Variants in STAG3 observed in about 807,000 individuals in gnomAD.
The protein encoded by STAG3 is STAG3 cohesin complex component.
STAG3 carries 101 observed loss-of-function variants against 160.7 expected under a neutral mutation model. That is an observed-to-expected ratio of 0.63 (90% CI 0.54 to 0.74). The LOEUF is 0.74. STAG3 is among the 30% of genes least tolerant of loss of function. The pLI is 0.00. For missense variants in STAG3, 1,188 were observed against 1,517.4 expected, an observed-to-expected ratio of 0.78 and a Z score of 3.61; for synonymous variants, 519 against 585.0, an observed-to-expected ratio of 0.89 and a Z score of 1.63.
At position 100,180,469 on chromosome 7, in the gene STAG3, C is replaced by T. The variant is rs1799572320; in HGVS notation, c.-64-24C>T. 1.6e-5 allele frequency: 12 copies of T among 773,898 alleles called. No individual in the cohort carries two copies. The South Asian group carries it at 1.7e-4, about 11-fold the overall frequency. The allele number at this position is 773,898 out of a possible 1,614,324, so 47.9% of individuals were successfully genotyped here. A position where few individuals can be genotyped will look rare whatever the true frequency, so the allele number is the denominator to read the frequency against. On this transcript the variant is annotated intron_variant, in intron 1 of 33. Coordinates refer to ENST00000615138, the MANE Select transcript of STAG3 (RefSeq NM_001282717.2). The stretch of plus-strand genomic sequence containing the variant: ...GGATGGAGAAGTGCTGTGGTAGGAG[C>T]CCTTTCTTCTCTTTCTTCCCCAGCT...
intron 3 of STAG3, among the ~76,000 whole-genome samples, chr7:100,182,449 T>C (rs1344256849): frequency 6.7e-6 from 1 of 150,294 alleles, no homozygotes; most frequent in Non-Finnish European, 1.5e-5. Flanking sequence ...GGGATGGAAA[T>C]AGGAAGAAGA....
At chr7:100,213,922 G>A in intron 33 of STAG3, 85 bp from the exon 34 acceptor site, 1 of 1,613,284 alleles carries the variant, frequency 6.2e-7, no homozygotes, top group Non-Finnish European at 8.5e-7. Context: ...TGTCTCTGGG[G>A]CTTTGAGGGT....
chr7:100,211,361 A>G (rs2117529725), intron 30 of STAG3, 74 bp from the exon 31 acceptor site: 2 of 1,550,536 alleles, frequency 1.3e-6, no homozygotes. Context: ...TTTTCTCCCC[A>G]TTAACACCAG....
rs772770196 is a variant in STAG3 at position 100,211,505 on chromosome 7, C to T, written c.3484C>T (p.Pro1162Ser). The T allele has an allele frequency of 3.1e-6, 5 of 1,613,904 alleles. No homozygotes were observed. The highest frequency in any genetic ancestry group is 2.2e-5 in the South Asian group (2 of 91,046). Residue 1162 changes from proline (P) to serine (S), a missense_variant, in exon 31 of 34, where the codon CCT (proline) becomes TCT (serine). Transcript: ENST00000615138. Reference sequence around the variant, plus strand: ...ACAATATTTCCAGACTCCACACAACCCTTCAGGTCCTGGCCTGGGCAACCA... The same window carrying T: ...ACAATATTTCCAGACTCCACACAACTCTTCAGGTCCTGGCCTGGGCAACCA... ...GPQYFQTPHN[P>S]SGPGLGNQLM...
In STAG3 at chr7:100,195,296, C is replaced by A; in HGVS notation, c.868-13C>A. The A allele has an allele frequency of 6.2e-7, 1 of 1,613,658 alleles. No homozygotes were observed. Among genetic ancestry groups the A allele is most frequent in the South Asian group, 1.1e-5 (1 of 91,070 alleles). ...GTACAAGAAAGATTAACCCGTTTCT[C>A]CCTGTCCTCCAGCTCCAAGAGCATC... is the stretch of plus-strand genomic sequence containing the variant. On this transcript the variant is annotated splice_polypyrimidine_tract_variant and intron_variant, in intron 8 of 33. Coordinates refer to ENST00000615138, the MANE Select transcript of STAG3 (RefSeq NM_001282717.2).
intron 4 of STAG3, among the ~76,000 whole-genome samples, chr7:100,184,463 G>GTTTTTTT (rs1554403741): frequency 8.1e-5 from 8 of 98,588 alleles, no homozygotes; most frequent in Admixed American, 2.8e-4. Flanking sequence ...CAGCGTGTTA[G>GTTTTTTT]TTTTTTTTTT....
intron 29 of STAG3, among the ~76,000 whole-genome samples, chr7:100,209,981 G>A (rs1802028302): frequency 6.6e-6 from 1 of 152,208 alleles, no homozygotes; most frequent in African/African-American, 2.4e-5. Context: ...TTAAGATGGA[G>A]TTCAGGGGAG....
rs147534964 is a variant in STAG3 at position 100,201,959 on chromosome 7, C to T, written c.2312C>T (p.Ser771Leu). Reference protein sequence around the residue: ...SKSDASQKQLSSLRDRMVAFC... With the variant: ...SKSDASQKQLLSLRDRMVAFC... Reference sequence around the variant, plus strand: ...CCACTGTGCCCACAGAAGCAGCTGTCGAGTTTGAGGGACAGAATGGTGGCC... The same window carrying T: ...CCACTGTGCCCACAGAAGCAGCTGTTGAGTTTGAGGGACAGAATGGTGGCC... The change falls in exon 23 of 34, where the codon TCG (serine) becomes TTG (leucine). Residue 771 changes from serine (S) to leucine (L), a missense_variant. Ser to Leu is a moderately radical substitution (Grantham distance 145). Transcript: ENST00000615138. 90 of 1,614,110 alleles carry T rather than the reference C, an allele frequency of 5.6e-5. No homozygotes were observed. The African/African-American group carries it at 8.8e-4, about 16-fold the overall frequency.
downstream of STAG3, chr7:100,218,886 C>T (rs62482172): frequency 0.09 from 17,930 of 200,216 alleles, 1,246 homozygotes; most frequent in Non-Finnish European, 0.13. Flanking sequence ...CGATTCACCC[C>T]TAGATGTGTG....
At chr7:100,196,751 G>A (rs547237442) in intron 9 of STAG3, among the ~76,000 whole-genome samples, 72 of 152,096 alleles carry the variant, frequency 4.7e-4, no homozygotes, top group African/African-American at 1.3e-3. Context: ...AGATTGTGCC[G>A]CTGCACTCCA....
Position 100,201,503 on chromosome 7 carries a change from C to T in STAG3, c.2220+152C>T, listed in dbSNP as rs183342800. The T allele has an allele frequency of 2.3e-4, 156 of 675,670 alleles. No individual in the cohort carries two copies. The African/African-American group carries it at 2.6e-3, about 11-fold the overall frequency. 41.9% of individuals were successfully genotyped at this position (675,670 alleles called of 1,614,324 possible). On this transcript the variant is annotated intron_variant, in intron 21 of 33. Coordinates refer to ENST00000615138, the MANE Select transcript of STAG3 (RefSeq NM_001282717.2). Reference sequence around the variant, plus strand: ...GGTGGGGGTCACCTCTTACATTCCTCTCTTAGAAGGTGGACTCTACTTCCA... The same window carrying T: ...GGTGGGGGTCACCTCTTACATTCCTTTCTTAGAAGGTGGACTCTACTTCCA...
At chr7:100,209,196 A>G (rs1038576065) in intron 29 of STAG3, among the ~76,000 whole-genome samples, 2 of 152,242 alleles carry the variant, frequency 1.3e-5, no homozygotes, top group Non-Finnish European at 2.9e-5. Flanking sequence ...CCTAGGTTAC[A>G]CACAACACTT....
chr7:100,178,527 C>T (rs757719743), intron 1 of STAG3, among the ~76,000 whole-genome samples: 6 of 150,544 alleles, frequency 4.0e-5, no homozygotes, highest in Non-Finnish European at 4.4e-5. Flanking sequence ...TCCGAAGCCT[C>T]CAGAGAGGGG....
At chr7:100,195,850 C>T (rs370846831) in intron 9 of STAG3, among the ~76,000 whole-genome samples, 42 of 152,322 alleles carry the variant, frequency 2.8e-4, no homozygotes, top group African/African-American at 9.4e-4. Flanking sequence ...TATATGTAGG[C>T]CGGGCGTGGT....
chr7:100,206,389 T>C (rs533131418), intron 29 of STAG3, among the ~76,000 whole-genome samples: 1 of 152,204 alleles, frequency 6.6e-6, no homozygotes, highest in Non-Finnish European at 1.5e-5. Context: ...TTATTTCATA[T>C]GCAAGTATGT....
chr7:100,211,352 T>C, intron 30 of STAG3, 83 bp from the exon 31 acceptor site: 8 of 1,524,218 alleles, frequency 5.2e-6, no homozygotes, highest in Non-Finnish European at 7.2e-6. Context: ...TCTCTGAGCT[T>C]TTCTCCCCAT....
intron 27 of STAG3, 26 bp from the exon 28 acceptor site, chr7:100,204,979 T>G (rs1801501537): frequency 6.2e-7 from 1 of 1,609,576 alleles, no homozygotes; most frequent in Admixed American, 1.7e-5. Context: ...GAGACTTTCT[T>G]CCTAAAATAA....
intron 1 of STAG3, among the ~76,000 whole-genome samples, chr7:100,179,265 T>G (rs1385236132): frequency 2.0e-5 from 3 of 148,854 alleles, no homozygotes. Flanking sequence ...TGGGTTTTGT[T>G]TTTTTTTTTT....
chr7:100,201,412 TCTAGGTGGCCA>T, intron 21 of STAG3, 61 bp downstream of exon 21: 3 of 1,463,840 alleles, frequency 2.0e-6, no homozygotes, highest in Non-Finnish European at 2.9e-6. Flanking sequence ...GGACCTACGT[TCTAGGTGGCCA>T]CTAGGTGTGT....
Sources: gnomAD v4.1 joint callset for allele counts (sites outside exome capture counted in the v4.1 genomes callset) on GRCh38, gnomAD v4.1.1 for gene constraint, MANE v1.5 for transcripts, NCBI Gene and HGNC (gene_info 2026-07-23, HGNC 2026-07-21) for gene names.